The following CCT8 variants were observed in gnomAD, a reference collection of about 807,000 sequenced individuals.
The protein encoded by CCT8 is T-complex protein 1 subunit theta.
In CCT8, 10 loss-of-function variants were observed where a neutral mutation model predicts 65.7. The observed-to-expected ratio is 0.15, with a 90% CI of 0.09 to 0.26. The LOEUF is 0.26. CCT8 is among the 10% of genes least tolerant of loss of function. The pLI, the probability that CCT8 is intolerant of heterozygous loss-of-function variation, is 1.00. For missense variants in CCT8, 568 were observed against 669.1 expected (o/e 0.85, Z 1.67); for synonymous variants, 199 against 221.8 (o/e 0.90, Z 0.92).
intron 1 of CCT8, 75 bp from the exon 2 acceptor site, chr21:29,070,412 C>A (rs1378555022): frequency 2.4e-6 from 2 of 833,226 alleles, no homozygotes; most frequent in Admixed American, 5.2e-5. Context: ...TACAAGATAT[C>A]TTTGCTTATA....
intron 7 of CCT8, among the ~76,000 whole-genome samples, chr21:29,064,702 T>G (rs947475881): frequency 6.6e-6 from 1 of 152,214 alleles, no homozygotes; most frequent in Non-Finnish European, 1.5e-5. Flanking sequence ...ACTCACATTC[T>G]CATATTCTTT....
intron 1 of CCT8, chr21:29,072,010 T>TTTA (rs1568916831): frequency 5.5e-5 from 34 of 621,222 alleles, no homozygotes; most frequent in African/African-American, 4.6e-4. Context: ...GTTGTTGTTT[T>TTTA]AAAAAAAAAA....
At chr21:29,058,739 C>G (rs76426037) in intron 14 of CCT8, among the ~76,000 whole-genome samples, 4 of 150,432 alleles carry the variant, frequency 2.7e-5, no homozygotes, top group Admixed American at 6.6e-5. Context: ...CTACAGGCAT[C>G]TGCCACCACG....
intron 14 of CCT8, 62 bp from the exon 15 acceptor site, chr21:29,056,614 T>G: frequency 1.0e-6 from 1 of 997,698 alleles, no homozygotes; most frequent in Non-Finnish European, 1.4e-6. Flanking sequence ...ATGAAAAGAA[T>G]GCTTCTATTA....
rs1434683619 is a variant in CCT8 at position 29,071,948 on chromosome 21, T to C, written c.60+1583A>G. The C allele has an allele frequency of 4.3e-6, 3 of 702,450 alleles. No homozygotes were observed. The Admixed American group carries it at 6.0e-5, about 14-fold the overall frequency. 43.5% of individuals were successfully genotyped at this position (702,450 alleles called of 1,614,324 possible). The stretch of plus-strand genomic sequence containing the variant: ...CCCTTGTATGGCTCCTCCTCTGAAC[T>C]TACCATTCTTCCTTTCTTTGGTAAG... On this transcript the variant is annotated intron_variant, in intron 1 of 14. Coordinates refer to ENST00000286788, the MANE Select transcript of CCT8 (RefSeq NM_006585.4).
intron 7 of CCT8, among the ~76,000 whole-genome samples, chr21:29,064,192 G>A (rs1260348708): frequency 1.3e-5 from 2 of 151,706 alleles, no homozygotes; most frequent in Non-Finnish European, 2.9e-5. Context: ...TAGGCCGGGC[G>A]CGGTGGCTCA....
rs192035705 is a variant in CCT8 at position 29,061,009 on chromosome 21, T to C, written c.1449+244A>G. On this transcript the variant is annotated intron_variant, in intron 13 of 14. Coordinates refer to ENST00000286788, the MANE Select transcript of CCT8 (RefSeq NM_006585.4). ...TTAGTTTTTCCAAATATTTTCAATC[T>C]GTGGTTGGTTGAATCAATGGATACA... Among the ~76,000 whole-genome samples the C allele has an allele frequency of 5.6e-4, 86 of 152,318 alleles. 1 individual carries two copies. The highest frequency in any genetic ancestry group is 1.9e-3 in the African/African-American group (80 of 41,574).
At chr21:29,063,735 T>C (rs772690776) in intron 7 of CCT8, among the ~76,000 whole-genome samples, 7 of 152,206 alleles carry the variant, frequency 4.6e-5, no homozygotes, top group African/African-American at 7.2e-5. Flanking sequence ...CAGATGCATC[T>C]GCTTTTGATA....
At chr21:29,057,672 A>G (rs1299773379) in intron 14 of CCT8, among the ~76,000 whole-genome samples, 4 of 147,638 alleles carry the variant, frequency 2.7e-5, no homozygotes, top group Non-Finnish European at 4.5e-5. Context: ...TATATGTATC[A>G]TATATACGAT....
At chr21:29,070,427 G>A in intron 1 of CCT8, 90 bp from the exon 2 acceptor site, 1 of 714,484 alleles carries the variant, frequency 1.4e-6, no homozygotes, top group Non-Finnish European at 2.3e-6. Flanking sequence ...CTTATATCTT[G>A]CCTCTAATAA....
At chr21:29,071,836 A>G (rs1270818713) in intron 1 of CCT8, 2 of 652,972 alleles carry the variant, frequency 3.1e-6, no homozygotes, top group African/African-American at 1.8e-5. Context: ...CCTCATTCCC[A>G]TACTTAAGAC....
intron 14 of CCT8, among the ~76,000 whole-genome samples, chr21:29,057,759 TATGA>T (rs950623963): frequency 6.8e-4 from 65 of 95,974 alleles, no homozygotes; most frequent in African/African-American, 1.9e-3. Context: ...ATATGTATGA[TATGA>T]GATATATATG....
chr21:29,067,857 G>C (rs892692790), intron 3 of CCT8, 152 bp from the exon 4 acceptor site: 4 of 476,146 alleles, frequency 8.4e-6, no homozygotes, highest in Non-Finnish European at 1.0e-5. Flanking sequence ...CTTATAGTGT[G>C]GTCACAAGAA....
intron 9 of CCT8, 28 bp downstream of exon 9, chr21:29,062,462 A>G (rs1453135504): frequency 1.2e-6 from 2 of 1,612,448 alleles, no homozygotes; most frequent in South Asian, 1.1e-5. Flanking sequence ...TTGTTCAACT[A>G]TCTTTTAGTG....
chr21:29,061,614 T>C lies in CCT8; in HGVS notation c.1213-47A>G, dbSNP rs116595826. 311 of 1,563,954 alleles carry C rather than the reference T, an allele frequency of 2.0e-4. 2 individuals are homozygous for C. The African/African-American group carries it at 3.8e-3, about 19-fold the overall frequency. ...AAAAAAAAATGAACACAAAACAAAT[T>C]CACTAAAAATCAGTTTGCAGTTTTC... On this transcript the variant is annotated intron_variant, in intron 11 of 14. Transcript: ENST00000286788.
rs986632573 is a variant in CCT8 at position 29,063,548 on chromosome 21, C to T, written c.763-18G>A. 8.7e-6 allele frequency: 14 copies of T among 1,609,362 alleles called. No individual in the cohort carries two copies. The highest frequency in any genetic ancestry group is 1.2e-5 in the Non-Finnish European group (14 of 1,177,480). On this transcript the variant is annotated intron_variant, in intron 7 of 14. Transcript: ENST00000286788. ...ACTGTTCCCTGGCAAAACAAGTAAA[C>T]ATTCCCTTTAAAATCATTTCACTAC...
At chr21:29,072,124 G>A (rs2085687661) in intron 1 of CCT8, 3 of 606,784 alleles carry the variant, frequency 4.9e-6, no homozygotes, top group Non-Finnish European at 8.8e-6. Context: ...AGGCTCAGGG[G>A]CTTCTCTCAC....
chr21:29,066,317 G>C (rs1415023859), intron 6 of CCT8, among the ~76,000 whole-genome samples: 2 of 152,026 alleles, frequency 1.3e-5, no homozygotes, highest in Non-Finnish European at 2.9e-5. Flanking sequence ...AAGGCAGGTG[G>C]ATCACCTGAG....
chr21:29,056,835 A>C (rs1487777338), intron 14 of CCT8, among the ~76,000 whole-genome samples: 1 of 152,196 alleles, frequency 6.6e-6, no homozygotes, highest in African/African-American at 2.4e-5. Flanking sequence ...AAAAAGCTGA[A>C]AGTGAAAATA....
Sources: gnomAD v4.1 joint callset for allele counts (sites outside exome capture counted in the v4.1 genomes callset) on GRCh38, gnomAD v4.1.1 for gene constraint, MANE v1.5 for transcripts, NCBI Gene and HGNC (gene_info 2026-07-23, HGNC 2026-07-21) for gene names.